Variants in NXN observed in about 807,000 individuals in gnomAD.
NXN encodes nucleoredoxin, also known as nucleoredoxin 1.
A neutral mutation model predicts 48.6 loss-of-function variants in NXN; 16 were observed. The ratio of observed to expected loss-of-function variants is 0.33; its 90% CI spans 0.22 to 0.50. The LOEUF (loss-of-function observed/expected upper bound fraction) is 0.50, where lower values mean the gene tolerates loss of function less well. Ranked by LOEUF, NXN falls within the 20% of genes least tolerant of loss-of-function variation. The pLI is 0.98. For missense variants in NXN, 492 were observed against 605.5 expected, an observed-to-expected ratio of 0.81 and a Z score of 1.97; for synonymous variants, 281 against 269.6, an observed-to-expected ratio of 1.04 and a Z score of -0.41.
chr17:839,768 A>C (rs1024957588), intron 1 of NXN, among the ~76,000 whole-genome samples: 4 of 139,364 alleles, frequency 2.9e-5, no homozygotes, highest in Admixed American at 7.8e-5. Context: ...GTGCCACTGC[A>C]CTCCAGCCTG....
At chr17:812,363 T>G (rs1469878135) in intron 5 of NXN, among the ~76,000 whole-genome samples, 1 of 152,190 alleles carries the variant, frequency 6.6e-6, no homozygotes, top group African/African-American at 2.4e-5. Context: ...TCCCTTTGGG[T>G]GCAGGCAGGG....
At position 803,044 on chromosome 17, in the gene NXN, C is replaced by G. The variant is rs111256726; in HGVS notation, c.1125+638G>C. Among the ~76,000 whole-genome samples the G allele has an allele frequency of 4.6e-3, 707 of 152,288 alleles. 6 individuals are homozygous for G. The highest frequency in any genetic ancestry group is 0.016 in the African/African-American group (679 of 41,558). Reference sequence around the variant, plus strand: ...GCACCTGTGCTGAGTCGCGGAGACGCCCGTCTGCAGGGTGCAGGGTGCAGG... The same window carrying G: ...GCACCTGTGCTGAGTCGCGGAGACGGCCGTCTGCAGGGTGCAGGGTGCAGG... On this transcript the variant is annotated intron_variant, in intron 7 of 7. Coordinates refer to ENST00000336868, the MANE Select transcript of NXN (RefSeq NM_022463.5).
intron 1 of NXN, among the ~76,000 whole-genome samples, chr17:976,063 T>C (rs762139009): frequency 2.6e-4 from 39 of 150,032 alleles, no homozygotes; most frequent in Admixed American, 5.2e-4. Context: ...ATGTGTGTTT[T>C]GGAAGCTGAA....
In NXN at chr17:956,413, T is replaced by TTTTTATTTATTTA; in HGVS notation, c.360+22893_360+22905dup. Among the ~76,000 whole-genome samples the TTTTTATTTATTTA allele has an allele frequency of 6.6e-6, 1 of 152,212 alleles. No homozygotes were observed. Among genetic ancestry groups the TTTTTATTTATTTA allele is most frequent in the Middle Eastern group, 3.4e-3 (1 of 294 alleles). On this transcript the variant is annotated intron_variant, in intron 1 of 7. Transcript: ENST00000336868. The surrounding 1 kb of genome is among the most constrained non-coding windows in gnomAD (Gnocchi z 4.1). ...CCAGCACTATGTTCAGGGCTTTTTA[T>TTTTTATTTATTTA]TTTTATTTATTTATTTTGAGACAGA...
rs1021231941 is a variant in NXN, at chr17:825,103, C to T, written c.478+858G>A. On this transcript the variant is annotated intron_variant, in intron 2 of 7. Coordinates refer to ENST00000336868, the MANE Select transcript of NXN (RefSeq NM_022463.5). This position sits in a 1 kb window ranked among gnomAD's most constrained non-coding sequence, Gnocchi z 4.1. ...AAAATTAGCTGGGTGTGGCGGTGCA[C>T]GCCAGTAGTCCCAGCTACACGGGAG... 2.6e-5 allele frequency among the ~76,000 whole-genome samples: 4 copies of T among 151,852 alleles called. No homozygotes were observed. The highest frequency in any genetic ancestry group is 4.4e-5 in the Non-Finnish European group (3 of 67,998).
chr17:811,048 G>A (rs1911965274), intron 5 of NXN, among the ~76,000 whole-genome samples: 1 of 152,196 alleles, frequency 6.6e-6, no homozygotes. Flanking sequence ...AGGGGCAAAG[G>A]AAGAGAGTCA....
rs909021249 is a variant in NXN at position 822,283 on chromosome 17, A to C, written c.713+74T>G. ...GACAAGAGCAAGACTCTGTCTCAGA[A>C]AAAAAAGAAAAGAAAAAAAATGGAT... is the stretch of plus-strand genomic sequence containing the variant. On this transcript the variant is annotated intron_variant, in intron 4 of 7. Transcript: ENST00000336868. The C allele has an allele frequency of 1.4e-5, 16 of 1,118,960 alleles. No homozygotes were observed. The African/African-American group carries it at 2.3e-4, about 16-fold the overall frequency. 69.3% of individuals were successfully genotyped at this position (1,118,960 alleles called of 1,614,324 possible).
intron 1 of NXN, among the ~76,000 whole-genome samples, chr17:848,047 C>T (rs958536854): frequency 3.9e-5 from 6 of 152,034 alleles, no homozygotes; most frequent in Admixed American, 6.6e-5. Flanking sequence ...TGAAACACTA[C>T]GAATTAAGCA....
chr17:906,621 C>T (rs1304960996), intron 1 of NXN, among the ~76,000 whole-genome samples: 4 of 151,182 alleles, frequency 2.6e-5, no homozygotes, highest in Non-Finnish European at 4.4e-5. Flanking sequence ...GGCTGGAGTG[C>T]AGCACTGCAA....
At chr17:864,152 C>T (rs2068073378) in intron 1 of NXN, 3 of 1,469,882 alleles carry the variant, frequency 2.0e-6, no homozygotes, top group Non-Finnish European at 2.7e-6. Context: ...TTCACCGTTG[C>T]TCGGTTCCGG....
chr17:889,425 G>A (rs1201807081), intron 1 of NXN, among the ~76,000 whole-genome samples: 7 of 152,200 alleles, frequency 4.6e-5, no homozygotes, highest in African/African-American at 1.2e-4. Flanking sequence ...GGCCGGATGC[G>A]GTGGCTCACG....
At chr17:927,122 G>A (rs567440570) in intron 1 of NXN, among the ~76,000 whole-genome samples, 3 of 151,018 alleles carry the variant, frequency 2.0e-5, no homozygotes, top group African/African-American at 7.3e-5. Flanking sequence ...GACCATCCTG[G>A]CTATCATGGT....
At chr17:837,011 C>T (rs1174492128) in intron 1 of NXN, among the ~76,000 whole-genome samples, 1 of 146,944 alleles carries the variant, frequency 6.8e-6, no homozygotes, top group East Asian at 2.2e-4. Flanking sequence ...CAGAGTCTTG[C>T]TCTGTCGCCC....
intron 2 of NXN, among the ~76,000 whole-genome samples, chr17:824,677 A>G (rs962099027): frequency 1.3e-5 from 2 of 152,188 alleles, no homozygotes; most frequent in African/African-American, 4.8e-5. Flanking sequence ...TGAGAATTTA[A>G]GTCTAATAAA....
intron 1 of NXN, among the ~76,000 whole-genome samples, chr17:963,510 G>A (rs1001497838): frequency 6.6e-6 from 1 of 152,148 alleles, no homozygotes; most frequent in African/African-American, 2.4e-5. Context: ...GCTGAGGTGG[G>A]AGGATCGCTT....
At chr17:880,661 A>T (rs2068274066) in intron 1 of NXN, among the ~76,000 whole-genome samples, 1 of 152,202 alleles carries the variant, frequency 6.6e-6, no homozygotes, top group South Asian at 2.1e-4. Context: ...GAATCTTCCA[A>T]GTTCGCCTGA....
rs10649969 is a variant in NXN at position 901,249 on chromosome 17, A to ATT, written c.361-75172_361-75171insAA. 2.0e-5 allele frequency among the ~76,000 whole-genome samples: 3 copies of ATT among 151,974 alleles called. No homozygotes were observed. In the South Asian group the frequency reaches 6.2e-4, roughly 32 times the overall value. On this transcript the variant is annotated intron_variant, in intron 1 of 7. Transcript: ENST00000336868. ...TAGATCTGCATTCTCATTTGTATCC[A>ATT]AAACCCCTCTGAGCCTCAACGTCAC...
chr17:876,564 T>C (rs1021270790), intron 1 of NXN, among the ~76,000 whole-genome samples: 5 of 152,216 alleles, frequency 3.3e-5, no homozygotes, highest in South Asian at 4.1e-4. Flanking sequence ...GTAAGAGTTA[T>C]GTACTCTGAG....
At chr17:871,778 T>A (rs565711138) in intron 1 of NXN, among the ~76,000 whole-genome samples, 75 of 152,330 alleles carry the variant, frequency 4.9e-4, no homozygotes, top group Non-Finnish European at 2.8e-4. Context: ...GCATGTGTTA[T>A]CCAGCCCTGA....
Sources: allele counts gnomAD v4.1 joint callset (sites outside exome capture counted in the v4.1 genomes callset), GRCh38; gene constraint gnomAD v4.1.1; non-coding constraint Gnocchi (gnomAD v3.1); transcripts MANE v1.5; gene names NCBI Gene and HGNC (gene_info 2026-07-23, HGNC 2026-07-21).